GRID2: variants seen among roughly 807,000 people sequenced by gnomAD.
The protein encoded by GRID2 is glutamate ionotropic receptor delta type subunit 2, also known as glutamate receptor ionotropic, delta-2.
In GRID2, 33 loss-of-function variants were observed where a neutral mutation model predicts 114.8. That is an observed-to-expected ratio of 0.29 (90% CI 0.22 to 0.38). GRID2 has a LOEUF of 0.38. GRID2 is among the 10% of genes least tolerant of loss of function. The probability of loss-of-function intolerance (pLI) is 1.00; values close to 1 mark genes in which losing one functional copy is unlikely to be tolerated. For missense variants in GRID2, 1,184 were observed against 1,257.7 expected, an observed-to-expected ratio of 0.94 and a Z score of 0.89; for synonymous variants, 505 against 449.9, an observed-to-expected ratio of 1.12 and a Z score of -1.55.
intron 2 of GRID2, among the ~76,000 whole-genome samples, chr4:92,647,502 A>G (rs1211458594): frequency 6.7e-6 from 1 of 149,588 alleles, no homozygotes; most frequent in Non-Finnish European, 1.5e-5. Flanking sequence ...TTTGTTTTAA[A>G]TAAGGAAACT....
intron 2 of GRID2, among the ~76,000 whole-genome samples, chr4:92,778,235 GT>G (rs148905369): frequency 4.6e-5 from 7 of 150,902 alleles, no homozygotes; most frequent in East Asian, 3.9e-4. Context: ...CTTCTCCATT[GT>G]TTTTTTTTAA....
At chr4:93,151,801 A>G (rs1409793431) in intron 4 of GRID2, among the ~76,000 whole-genome samples, 1 of 152,136 alleles carries the variant, frequency 6.6e-6, no homozygotes, top group African/African-American at 2.4e-5. Flanking sequence ...TCATCTCTCA[A>G]GATGATATTT....
intron 2 of GRID2, among the ~76,000 whole-genome samples, chr4:92,966,521 C>T (rs1440858302): frequency 4.0e-5 from 6 of 151,840 alleles, no homozygotes. Flanking sequence ...TTGTAATAAT[C>T]CCCACGTGTC....
At chr4:93,471,296 G>T (rs1724777152) in intron 11 of GRID2, among the ~76,000 whole-genome samples, 1 of 152,146 alleles carries the variant, frequency 6.6e-6, no homozygotes, top group African/African-American at 2.4e-5. Flanking sequence ...AGGCTGCAAG[G>T]AGGGGAAACC....
At chr4:92,950,806 T>C (rs534787101) in intron 2 of GRID2, among the ~76,000 whole-genome samples, 2 of 152,328 alleles carry the variant, frequency 1.3e-5, no homozygotes, top group Non-Finnish European at 1.5e-5. Flanking sequence ...AAGTATTGCC[T>C]TCCAGGTAAA....
intron 2 of GRID2, among the ~76,000 whole-genome samples, chr4:92,647,693 C>T (rs1731719060): frequency 6.7e-6 from 1 of 149,384 alleles, no homozygotes. Flanking sequence ...GTTGATTGAA[C>T]TTTAAGAGAA....
intron 13 of GRID2, among the ~76,000 whole-genome samples, chr4:93,563,516 T>C (rs1313153852): frequency 6.6e-6 from 1 of 151,998 alleles, no homozygotes; most frequent in African/African-American, 2.4e-5. Context: ...AAAAATAAAA[T>C]TGGCCCAAAA....
exon 2 of GRID2, chr4:93,809,470 A>T (rs1157552271): frequency 6.6e-6 from 1 of 152,202 alleles, no homozygotes; most frequent in African/African-American, 2.4e-5. Context: ...CAGGAATAAC[A>T]TAAAGTTTCT....
At chr4:93,615,343 T>C (rs1164497536) in intron 13 of GRID2, among the ~76,000 whole-genome samples, 1 of 152,076 alleles carries the variant, frequency 6.6e-6, no homozygotes, top group African/African-American at 2.4e-5. Flanking sequence ...GATGTTATTA[T>C]AAGTGAAATC....
At chr4:93,139,457 A>G (rs764189463) in intron 4 of GRID2, among the ~76,000 whole-genome samples, 15 of 152,184 alleles carry the variant, frequency 9.9e-5, no homozygotes, top group Non-Finnish European at 1.6e-4. Flanking sequence ...ATGGAGGTAG[A>G]TCTGGAGAGC....
At chr4:92,665,761 G>T (rs907628917) in intron 2 of GRID2, among the ~76,000 whole-genome samples, 3 of 150,214 alleles carry the variant, frequency 2.0e-5, no homozygotes, top group South Asian at 2.1e-4. Flanking sequence ...TTGCCTTCTA[G>T]ACTGCAGTTT....
Position 93,145,271 on chromosome 4 carries a change from CCTG to C in GRID2, c.735+34321_735+34323del, listed in dbSNP as rs554095987. The stretch of plus-strand genomic sequence containing the variant: ...AACTCTGTTACGAAGGGAATTTTTG[CCTG>C]CTTTTTACTACTATGTTTCTAGCAC... On this transcript the variant is annotated intron_variant, in intron 4 of 15. Transcript: ENST00000282020. Among the ~76,000 whole-genome samples the C allele has an allele frequency of 2.3e-3, 346 of 152,052 alleles. 1 individual carries two copies. Among genetic ancestry groups the C allele is most frequent in the African/African-American group, 7.9e-3 (328 of 41,486 alleles).
chr4:92,530,092 A>C (rs1261437061), intron 1 of GRID2, among the ~76,000 whole-genome samples: 2 of 151,966 alleles, frequency 1.3e-5, no homozygotes, highest in Middle Eastern at 3.2e-3. Flanking sequence ...ATTTATCCTA[A>C]CTTTACTCTA....
In GRID2 at chr4:92,527,770, T is replaced by G. The variant is rs566738353; in HGVS notation, c.89-62361T>G. The stretch of plus-strand genomic sequence containing the variant: ...TTAACATTTCATGAGGGATTGAAAA[T>G]GAGAGTGTAACATTTGTTTATAAAG... On this transcript the variant is annotated intron_variant, in intron 1 of 15. Transcript: ENST00000282020. Among the ~76,000 whole-genome samples the G allele has an allele frequency of 2.0e-5, 3 of 152,106 alleles. No homozygotes were observed. The East Asian group carries it at 5.8e-4, about 30-fold the overall frequency.
intron 1 of GRID2, among the ~76,000 whole-genome samples, chr4:92,470,546 A>C (rs1305451830): frequency 6.6e-5 from 10 of 152,026 alleles, no homozygotes; most frequent in African/African-American, 2.2e-4. Context: ...TTTAATAGAC[A>C]CTATATTTGT....
At chr4:93,180,275 C>G (rs528183712) in intron 4 of GRID2, among the ~76,000 whole-genome samples, 9 of 152,112 alleles carry the variant, frequency 5.9e-5, no homozygotes, top group Admixed American at 3.3e-4. Flanking sequence ...TTGCACTATA[C>G]TGTAGCATAG....
chr4:92,934,391 CTT>C (rs1299505118), intron 2 of GRID2, among the ~76,000 whole-genome samples: 1 of 150,978 alleles, frequency 6.6e-6, no homozygotes, highest in Non-Finnish European at 1.5e-5. Context: ...TATCCTGAGA[CTT>C]TGCTGAAGCT....
chr4:93,484,825 A>C (rs1726226869), intron 11 of GRID2, among the ~76,000 whole-genome samples: 1 of 151,868 alleles, frequency 6.6e-6, no homozygotes, highest in Non-Finnish European at 1.5e-5. Context: ...ATATGTAAGG[A>C]GGTATCCAGT....
At chr4:92,594,883 G>C (rs1366628919) in intron 2 of GRID2, among the ~76,000 whole-genome samples, 3 of 151,910 alleles carry the variant, frequency 2.0e-5, no homozygotes, top group African/African-American at 7.2e-5. Context: ...TTAGCTCTTA[G>C]CTGAGATGAA....
Sources: allele counts gnomAD v4.1 joint callset (sites outside exome capture counted in the v4.1 genomes callset), GRCh38; gene constraint gnomAD v4.1.1; transcripts MANE v1.5; gene names NCBI Gene and HGNC (gene_info 2026-07-23, HGNC 2026-07-21).